Variants in CCSER1 observed in about 807,000 individuals in gnomAD.
The protein encoded by CCSER1 is serine-rich coiled-coil domain-containing protein 1.
A neutral mutation model predicts 82.0 loss-of-function variants in CCSER1; 41 were observed. That is an observed-to-expected ratio of 0.50 (90% CI 0.39 to 0.65). The LOEUF (loss-of-function observed/expected upper bound fraction) is 0.65, where lower values mean the gene tolerates loss of function less well. Among genes scored for constraint, CCSER1 ranks in the 30% least tolerant of loss-of-function variants. The pLI is 0.00. For synonymous variants in CCSER1, 414 were observed against 383.9 expected (o/e 1.08, Z -0.92); for missense variants, 1,119 against 1,064.2 (o/e 1.05, Z -0.72).
intron 5 of CCSER1, among the ~76,000 whole-genome samples, chr4:90,596,214 A>G (rs1783312041): frequency 6.6e-6 from 1 of 151,994 alleles, no homozygotes; most frequent in Admixed American, 6.6e-5. Flanking sequence ...GTGTTAAACT[A>G]AAAACAAATT....
At chr4:90,889,905 GTAGA>G (rs2150109046) in intron 8 of CCSER1, among the ~76,000 whole-genome samples, 1 of 152,224 alleles carries the variant, frequency 6.6e-6, no homozygotes, top group Non-Finnish European at 1.5e-5. Flanking sequence ...AGTATGAAAA[GTAGA>G]TAGGCTCAAA....
chr4:91,014,483 T>A lies in CCSER1; in HGVS notation c.2173-71467T>A, dbSNP rs993017823. Among the ~76,000 whole-genome samples the A allele has an allele frequency of 1.5e-5, 2 of 134,480 alleles. 1 individual carries two copies. Among genetic ancestry groups the A allele is most frequent in the Non-Finnish European group, 3.5e-5 (2 of 57,850 alleles). The allele number at this position is 134,480 out of a possible 152,430, so 88.2% of individuals were successfully genotyped here. A position where few individuals can be genotyped will look rare whatever the true frequency, so the allele number is the denominator to read the frequency against. On this transcript the variant is annotated intron_variant, in intron 9 of 10. Transcript: ENST00000509176. Reference sequence around the variant, plus strand: ...GTGCTATAAAATCTGCTACATTCTTTAAATATTATATTCTATAGTAGTTCT... The same window carrying A: ...GTGCTATAAAATCTGCTACATTCTTAAAATATTATATTCTATAGTAGTTCT...
intron 1 of CCSER1, among the ~76,000 whole-genome samples, chr4:90,192,577 T>C (rs527957987): frequency 6.6e-6 from 1 of 152,096 alleles, no homozygotes; most frequent in Non-Finnish European, 1.5e-5. Flanking sequence ...ATTGAGACTA[T>C]TTTCTTATAT....
intron 10 of CCSER1, among the ~76,000 whole-genome samples, chr4:91,440,712 T>G (rs576594986): frequency 1.3e-5 from 2 of 152,110 alleles, no homozygotes; most frequent in Non-Finnish European, 2.9e-5. Context: ...ACAACATTGA[T>G]AGACCACTAG....
chr4:91,415,215 C>G (rs1753282243), intron 10 of CCSER1, among the ~76,000 whole-genome samples: 1 of 151,940 alleles, frequency 6.6e-6, no homozygotes, highest in Non-Finnish European at 1.5e-5. Context: ...CTGCTTGCCT[C>G]TTGTTGATGT....
intron 3 of CCSER1, among the ~76,000 whole-genome samples, chr4:90,357,220 G>T (rs1744532622): frequency 1.3e-5 from 2 of 151,806 alleles, no homozygotes; most frequent in Non-Finnish European, 3.0e-5. Context: ...ACCATATTAT[G>T]CATGTTTATC....
intron 10 of CCSER1, among the ~76,000 whole-genome samples, chr4:91,096,887 CA>C (rs1724565295): frequency 6.6e-6 from 1 of 152,110 alleles, no homozygotes; most frequent in Non-Finnish European, 1.5e-5. Flanking sequence ...CAAGCCAAGT[CA>C]AAACCAAAAC....
intron 4 of CCSER1, among the ~76,000 whole-genome samples, chr4:90,451,372 C>T (rs1047198562): frequency 1.3e-5 from 2 of 152,134 alleles, no homozygotes; most frequent in Non-Finnish European, 2.9e-5. Flanking sequence ...CCAGTCTTCC[C>T]CGAGGTAGAC....
chr4:91,012,487 A>T (rs1175979539), intron 9 of CCSER1, among the ~76,000 whole-genome samples: 1 of 69,532 alleles, frequency 1.4e-5, no homozygotes, highest in Non-Finnish European at 3.6e-5. Context: ...CTCAGTCCTG[A>T]GGGAGCAGGA....
At chr4:90,638,892 G>A (rs1725959914) in intron 6 of CCSER1, among the ~76,000 whole-genome samples, 1 of 152,084 alleles carries the variant, frequency 6.6e-6, no homozygotes, top group African/African-American at 2.4e-5. Context: ...TAGAGATCTA[G>A]GTGTGAATCT....
At chr4:91,140,836 G>A (rs1320032618) in intron 10 of CCSER1, among the ~76,000 whole-genome samples, 1 of 151,960 alleles carries the variant, frequency 6.6e-6, no homozygotes, top group Non-Finnish European at 1.5e-5. Flanking sequence ...TGGCTTCAGG[G>A]GGTACTTGTC....
chr4:91,467,446 A>G (rs192025906), intron 10 of CCSER1, among the ~76,000 whole-genome samples: 3 of 152,136 alleles, frequency 2.0e-5, no homozygotes, highest in African/African-American at 7.2e-5. Context: ...CATGGGCAAG[A>G]ACTTCATGTC....
At chr4:91,112,510 C>A (rs2148874686) in intron 10 of CCSER1, 1 of 152,190 alleles carries the variant, frequency 6.6e-6, no homozygotes, top group African/African-American at 2.4e-5. Context: ...CTCCTTCATA[C>A]ACAAGTTCTT....
At chr4:90,953,786 A>G (rs1733156584) in intron 9 of CCSER1, among the ~76,000 whole-genome samples, 2 of 151,930 alleles carry the variant, frequency 1.3e-5, no homozygotes, top group South Asian at 2.1e-4. Flanking sequence ...CATCCATAGT[A>G]TAGGTTTTGG....
chr4:90,290,650 TG>T (rs1377782902), intron 1 of CCSER1, among the ~76,000 whole-genome samples: 3 of 151,998 alleles, frequency 2.0e-5, no homozygotes, highest in Non-Finnish European at 4.4e-5. Flanking sequence ...GCTTGTTTTT[TG>T]TTGAAATTGT....
At chr4:91,037,023 C>T (rs771965418) in intron 9 of CCSER1, among the ~76,000 whole-genome samples, 1 of 151,960 alleles carries the variant, frequency 6.6e-6, no homozygotes, top group Non-Finnish European at 1.5e-5. Context: ...TTTGCAGTGA[C>T]TGGAGATCGT....
At position 91,541,474 on chromosome 4, in the gene CCSER1, G is replaced by A. The variant is rs552392559; in HGVS notation, c.2218-57098G>A. ...TTCCCACCTATGAGTGAGAACATGC[G>A]GTGTTTGGTTTTCTGTCCTTGCAAT... On this transcript the variant is annotated intron_variant, in intron 10 of 10. Coordinates refer to ENST00000509176, the MANE Select transcript of CCSER1 (RefSeq NM_001145065.2). 1.2e-4 allele frequency among the ~76,000 whole-genome samples: 18 copies of A among 152,208 alleles called. No individual in the cohort carries two copies. The South Asian group carries it at 1.7e-3, about 14-fold the overall frequency.
intron 6 of CCSER1, among the ~76,000 whole-genome samples, chr4:90,640,298 G>C (rs1436946369): frequency 6.6e-6 from 1 of 152,054 alleles, no homozygotes; most frequent in African/African-American, 2.4e-5. Flanking sequence ...ATTGGTCTAT[G>C]AATGTGAAAG....
intron 8 of CCSER1, among the ~76,000 whole-genome samples, chr4:90,908,707 GC>G (rs1725873287): frequency 6.6e-6 from 1 of 152,012 alleles, no homozygotes; most frequent in Non-Finnish European, 1.5e-5. Flanking sequence ...GTTTACAGCA[GC>G]TGCATTTCAG....
Sources: gnomAD v4.1 joint callset for allele counts (sites outside exome capture counted in the v4.1 genomes callset) on GRCh38, gnomAD v4.1.1 for gene constraint, MANE v1.5 for transcripts, NCBI Gene and HGNC (gene_info 2026-07-23, HGNC 2026-07-21) for gene names.